Variants in NOC2L observed in about 807,000 individuals in gnomAD.
NOC2L encodes the protein nucleolar complex protein 2 homolog.
Under a neutral mutation model 94.2 loss-of-function variants are expected in NOC2L, and 101 were observed. That is an observed-to-expected ratio of 1.07 (90% CI 0.91 to 1.26). The LOEUF (loss-of-function observed/expected upper bound fraction) is 1.26. NOC2L is among the 50% of genes most tolerant of loss of function. The pLI, the probability that NOC2L is intolerant of heterozygous loss-of-function variation, is 0.00. For missense variants in NOC2L, 1,076 were observed against 980.1 expected (o/e 1.10, Z -1.31); for synonymous variants, 531 against 413.4 (o/e 1.28, Z -3.45).
At chr1:953,364 C>G in intron 8 of NOC2L, 76 bp from the exon 9 acceptor site, 1 of 874,180 alleles carries the variant, frequency 1.1e-6, no homozygotes. Flanking sequence ...ACAGCCCTCC[C>G]CAGCCAGGCA....
rs561446135 is a variant in NOC2L at position 949,099 on chromosome 1, T to TG, written c.1444-497dup. On this transcript the variant is annotated intron_variant, in intron 12 of 18. Transcript: ENST00000327044. ...GGACAGATGGAGGTCACGGGAGGCC[T>TG]GGGGGGCCCCTCCCACACCCTCCAC... Among the ~76,000 whole-genome samples the TG allele has an allele frequency of 3.2e-4, 49 of 152,024 alleles. 1 individual carries two copies. In the East Asian group the frequency reaches 8.4e-3, roughly 26 times the overall value.
At chr1:955,566 T>C (rs1642376992) in intron 6 of NOC2L, among the ~76,000 whole-genome samples, 2 of 152,168 alleles carry the variant, frequency 1.3e-5, no homozygotes, top group South Asian at 2.1e-4. Flanking sequence ...AGGCCAGTCA[T>C]AGTGCAGAGA....
intron 12 of NOC2L, among the ~76,000 whole-genome samples, chr1:950,441 A>G (rs539799608): frequency 1.5e-4 from 23 of 151,836 alleles, no homozygotes; most frequent in African/African-American, 5.6e-4. Context: ...AGACAGGTGC[A>G]CACAGGTACA....
At chr1:958,621 T>C (rs998110900) in intron 2 of NOC2L, 10 of 583,014 alleles carry the variant, frequency 1.7e-5, no homozygotes, top group African/African-American at 1.7e-4. Flanking sequence ...TTCCTTTCCC[T>C]CCCCAGCACT....
chr1:955,521 G>A (rs1274142490), intron 6 of NOC2L, among the ~76,000 whole-genome samples: 1 of 152,226 alleles, frequency 6.6e-6, no homozygotes, highest in African/African-American at 2.4e-5. Context: ...CATTGATGAG[G>A]CCCCTGTCTA....
intron 16 of NOC2L, 97 bp downstream of exon 16, chr1:946,076 T>C: frequency 4.2e-6 from 4 of 948,456 alleles, no homozygotes; most frequent in Non-Finnish European, 1.6e-6. Context: ...CGCCTGGCAC[T>C]GTTTCCAAAC....
At chr1:945,373 C>T (rs758963594) in intron 17 of NOC2L, 145 bp downstream of exon 17, 7 of 1,078,586 alleles carry the variant, frequency 6.5e-6, no homozygotes, top group Non-Finnish European at 7.9e-6. Flanking sequence ...GCACCAGAAG[C>T]CTGGCAACAC....
Position 953,839 on chromosome 1 carries a change from G to C in NOC2L, c.831C>G (p.Ile277Met), listed in dbSNP as rs1477917063. ...TTVLAAVLRH[I>M]SVLVPCFLTF... ...TCAGGAAGCAGGGCACCAGCACGCT[G>C]ATGTGCCGCAGCACGGCCGCCAACA... The change falls in exon 8 of 19, where the codon ATC becomes ATG. Residue 277 changes from isoleucine to methionine, a missense_variant. Ile to Met is a conservative substitution (Grantham distance 10). Around this residue, in one of 3 missense-constraint regions of NOC2L, gnomAD observed 457 missense variants for 386.0 expected, o/e 1.18. Coordinates refer to ENST00000327044, the MANE Select transcript of NOC2L (RefSeq NM_015658.4). 1.2e-6 allele frequency: 2 copies of C among 1,613,002 alleles called. No homozygotes were observed. Among genetic ancestry groups the C allele is most frequent in the Non-Finnish European group, 1.7e-6 (2 of 1,180,026 alleles).
chr1:956,904 T>G lies in NOC2L; in HGVS notation c.476A>C (p.Gln159Pro), dbSNP rs749613398. The change falls in exon 4 of 19, where the codon CAG becomes CCG. Residue 159 changes from glutamine to proline, a missense_variant. Physicochemically the swap from Gln to Pro is moderately conservative, Grantham distance 76. Coordinates refer to ENST00000327044, the MANE Select transcript of NOC2L (RefSeq NM_015658.4). ...CTGGCTGCTGCTCACCTTTGCTGCC[T>G]GCTTCCATCTCTCAACCATGGCGAC... ...VTVAMVERWKQAAKQRLTPKL... is the reference protein window; with the variant it reads ...VTVAMVERWKPAAKQRLTPKL... 10 of 1,613,842 alleles carry G rather than the reference T, an allele frequency of 6.2e-6. No homozygotes were observed. The Admixed American group carries it at 1.3e-4, about 22-fold the overall frequency.
chr1:944,523 C>A lies in NOC2L; in HGVS notation c.*171G>T, dbSNP rs1455551356. On this transcript the variant is annotated 3_prime_UTR_variant, in exon 19 of 19. Coordinates refer to ENST00000327044, the MANE Select transcript of NOC2L (RefSeq NM_015658.4). ...GCAGCCACACCAGCCCAGCCCAGCCCAGCTCTCGATACGTTTGGTCTTTCA... is the reference window on the plus strand; with the variant it reads ...GCAGCCACACCAGCCCAGCCCAGCCAAGCTCTCGATACGTTTGGTCTTTCA... The A allele has an allele frequency of 5.9e-5, 37 of 626,464 alleles. No homozygotes were observed. The highest frequency in any genetic ancestry group is 2.7e-6 in the Non-Finnish European group (1 of 371,580). The allele number at this position is 626,464 out of a possible 1,614,324, so 38.8% of individuals were successfully genotyped here.
At chr1:945,682 G>A in intron 16 of NOC2L, 29 bp from the exon 17 acceptor site, 1 of 1,614,090 alleles carries the variant, frequency 6.2e-7, no homozygotes, top group Non-Finnish European at 8.5e-7. Flanking sequence ...AGGGGCTCAG[G>A]TGAGAGAGGG....
At position 959,024 on chromosome 1, in the gene NOC2L, G is replaced by C. The variant is rs1199833612; in HGVS notation, c.84C>G (p.Ser28=). The C allele has an allele frequency of 6.2e-7, 1 of 1,612,352 alleles. No homozygotes were observed. The part of the protein sequence containing the change: ...EFLASGFDSE[S]ESESENSPQA... ...GTGGAGAATTTTCGGACTCGGATTC[G>C]GACTCGGAGTCAAAGCCCGAAGCTA... The change falls in exon 2 of 19, where the codon TCC becomes TCG. Residue 28 remains serine (S), a synonymous_variant. Coordinates refer to ENST00000327044, the MANE Select transcript of NOC2L (RefSeq NM_015658.4).
rs1642043201 is a variant in NOC2L at position 944,797 on chromosome 1, C to T, written c.2147G>A (p.Gly716Glu). 1.9e-6 allele frequency: 3 copies of T among 1,580,328 alleles called. No homozygotes were observed. The South Asian group carries it at 3.4e-5, about 18-fold the overall frequency. The change falls in exon 19 of 19, where the codon GGA becomes GAA. Residue 716 changes from glycine to glutamate, a missense_variant. Transcript: ENST00000327044. The part of the protein sequence containing the change: ...GEEDSSNSED[G>E]DPDAEAGLAP... ...CAGCCCCGCCTCTGCGTCTGGGTCTCCATCTGCGGGGAGAGATGGAGGCTA... is the reference window on the plus strand; with the variant it reads ...CAGCCCCGCCTCTGCGTCTGGGTCTTCATCTGCGGGGAGAGATGGAGGCTA...
Position 953,900 on chromosome 1 carries a change from C to A in NOC2L, c.778-8G>T. On this transcript the variant is annotated splice_polypyrimidine_tract_variant and splice_region_variant and intron_variant, in intron 7 of 18. Coordinates refer to ENST00000327044, the MANE Select transcript of NOC2L (RefSeq NM_015658.4). Reference sequence around the variant, plus strand: ...CGACAGACAGGACACCAGCTGGGGGCAGGAGGGGACAGTGAAGCCCCAAAC... The same window carrying A: ...CGACAGACAGGACACCAGCTGGGGGAAGGAGGGGACAGTGAAGCCCCAAAC... 1 of 1,612,280 alleles carries A rather than the reference C, an allele frequency of 6.2e-7. No homozygotes were observed. The highest frequency in any genetic ancestry group is 8.5e-7 in the Non-Finnish European group (1 of 1,179,212).
At chr1:945,830 G>A (rs1469281820) in intron 16 of NOC2L, among the ~76,000 whole-genome samples, 177 bp from the exon 17 acceptor site, 1 of 152,208 alleles carries the variant, frequency 6.6e-6, no homozygotes, top group African/African-American at 2.4e-5. Flanking sequence ...AAGGTCAAAG[G>A]CAGAGCCCTT....
rs774793911 is a variant in NOC2L, at chr1:945,532, C to A, written c.2039G>T (p.Gly680Val). ...GCAGGCCCCACCTCTCTCCGAGAATCCCTCGGTGTCGTCCTCTTCAGAGCT... is the reference window on the plus strand; with the variant it reads ...GCAGGCCCCACCTCTCTCCGAGAATACCTCGGTGTCGTCCTCTTCAGAGCT... ...LNSSEEDDTE[G>V]FSERGILRPL... Residue 680 changes from glycine to valine, a missense_variant, in exon 17 of 19, where the codon GGA becomes GTA. Gly to Val is a moderately radical substitution (Grantham distance 109, BLOSUM62 -3). Coordinates refer to ENST00000327044, the MANE Select transcript of NOC2L (RefSeq NM_015658.4). 1 of 1,613,928 alleles carries A rather than the reference C, an allele frequency of 6.2e-7. No individual in the cohort carries two copies. Among genetic ancestry groups the A allele is most frequent in the Non-Finnish European group, 8.5e-7 (1 of 1,179,850 alleles).
rs769063070 is a variant in NOC2L at position 945,037 on chromosome 1, C to CTCACCCCAAGACCAT, written c.2143+5_2143+19dup. 6.8e-5 allele frequency: 110 copies of CTCACCCCAAGACCAT among 1,614,118 alleles called. No homozygotes were observed. In the African/African-American group the frequency reaches 1.3e-3, roughly 20 times the overall value. ...AGATGGGCTCACAGGGCCACACCCTCTCACCCCAAGACCATTCACCCTCCG... is the reference window on the plus strand; with the variant it reads ...AGATGGGCTCACAGGGCCACACCCTCTCACCCCAAGACCATTCACCCCAAGACCATTCACCCTCCG... On this transcript the variant is annotated intron_variant, in intron 18 of 18. Transcript: ENST00000327044.
intron 9 of NOC2L, 131 bp downstream of exon 9, chr1:953,044 G>T: frequency 1.5e-6 from 1 of 656,432 alleles, no homozygotes; most frequent in Non-Finnish European, 2.7e-6. Context: ...GTGATCCAAG[G>T]GCCCAGGTCT....
Position 944,709 on chromosome 1 carries a change from G to C in NOC2L, c.2235C>G (p.Leu745=). The C allele has an allele frequency of 1.9e-6, 3 of 1,598,396 alleles. No homozygotes were observed. Among genetic ancestry groups the C allele is most frequent in the Non-Finnish European group, 2.5e-6 (3 of 1,177,710 alleles). The change falls in exon 19 of 19, where the codon CTC becomes CTG. Residue 745 remains leucine, a synonymous_variant. Coordinates refer to ENST00000327044, the MANE Select transcript of NOC2L (RefSeq NM_015658.4). ...GPEDELEDLQ[L]SEDD is the part of the protein sequence containing the mutation. ...ATGGGCTGCCTCAGTCGTCCTCTGA[G>C]AGCTGCAGATCCTCCAGCTCGTCCT...
Sources: gnomAD v4.1 joint callset for allele counts (sites outside exome capture counted in the v4.1 genomes callset) on GRCh38, gnomAD v4.1.1 for gene constraint, gnomAD v4.1.1 regional missense constraint, MANE v1.5 for transcripts, NCBI Gene and HGNC (gene_info 2026-07-23, HGNC 2026-07-21) for gene names.